The following RAB18 variants were observed in gnomAD, a reference collection of about 807,000 sequenced individuals.
RAB18 encodes ras-related protein Rab-18.
RAB18 carries 10 observed loss-of-function variants against 28.5 expected under a neutral mutation model. The ratio of observed to expected loss-of-function variants is 0.35; its 90% CI spans 0.22 to 0.60. The LOEUF (loss-of-function observed/expected upper bound fraction) is 0.60. Among genes scored for constraint, RAB18 ranks in the 20% least tolerant of loss-of-function variants. The pLI, the probability that RAB18 is intolerant of heterozygous loss-of-function variation, is 0.78. For synonymous variants in RAB18, 93 were observed against 86.9 expected, an observed-to-expected ratio of 1.07 and a Z score of -0.39; for missense variants, 188 against 244.2, an observed-to-expected ratio of 0.77 and a Z score of 1.53.
At chr10:27,509,653 A>T (rs761178176) in intron 1 of RAB18, among the ~76,000 whole-genome samples, 3 of 152,182 alleles carry the variant, frequency 2.0e-5, no homozygotes, top group Non-Finnish European at 2.9e-5. Context: ...CACGGGGAAT[A>T]TATTTCATAG....
Position 27,541,482 on chromosome 10 carries a change from T to C in RAB18, c.*3431T>C, listed in dbSNP as rs754068539. 2 of 454,012 alleles carry C rather than the reference T, an allele frequency of 4.4e-6. No individual in the cohort carries two copies. The highest frequency in any genetic ancestry group is 3.1e-5 in the South Asian group (2 of 64,476). 28.1% of individuals were successfully genotyped at this position (454,012 alleles called of 1,614,324 possible). On this transcript the variant is annotated 3_prime_UTR_variant, in exon 7 of 7. Coordinates refer to ENST00000356940, the MANE Select transcript of RAB18 (RefSeq NM_021252.5). ...ACTTGGGAATCAGTCATGTTTCTGA[T>C]TGTGGTATAAAGTTTGCTTAAGTGC...
intron 2 of RAB18, among the ~76,000 whole-genome samples, chr10:27,522,217 T>G (rs1187215540): frequency 6.6e-6 from 1 of 152,176 alleles, no homozygotes; most frequent in Non-Finnish European, 1.5e-5. Context: ...CTATCAAGTG[T>G]TTGCTTTGTA....
chr10:27,519,561 T>C (rs1834505704), intron 2 of RAB18, among the ~76,000 whole-genome samples: 1 of 152,006 alleles, frequency 6.6e-6, no homozygotes, highest in Admixed American at 6.6e-5. Context: ...AGATGAAAAA[T>C]TTAAATACAA....
chr10:27,509,044 T>C (rs1038768910), intron 1 of RAB18, among the ~76,000 whole-genome samples: 10 of 152,200 alleles, frequency 6.6e-5, no homozygotes, highest in Admixed American at 6.5e-4. Flanking sequence ...GTAAGTAAAA[T>C]AATTCTGGAA....
chr10:27,532,472 A>C (rs1329548367), intron 3 of RAB18, 35 bp from the exon 4 acceptor site: 4 of 1,468,406 alleles, frequency 2.7e-6, no homozygotes, highest in Middle Eastern at 2.1e-4. Context: ...GTCTATTTAT[A>C]CTTTGTTTAA....
intron 1 of RAB18, among the ~76,000 whole-genome samples, chr10:27,507,699 T>G (rs1837878033): frequency 6.6e-6 from 1 of 151,990 alleles, no homozygotes; most frequent in Admixed American, 6.6e-5. Context: ...AACATTTTGC[T>G]CCTTTAACTT....
chr10:27,510,217 T>TC (rs1834298478), intron 2 of RAB18: 4 of 432,020 alleles, frequency 9.3e-6, no homozygotes, highest in Middle Eastern at 4.2e-4. Context: ...GATTGTCTTT[T>TC]ATTTTGTAAT....
Position 27,505,196 on chromosome 10 carries a change from A to G in RAB18, c.68+759A>G. ...ACAGTGGAGTTGAGTATAAGGTAAGACATGGATCTAGGTGGATGTTGCTAG... is the reference window on the plus strand; with the variant it reads ...ACAGTGGAGTTGAGTATAAGGTAAGGCATGGATCTAGGTGGATGTTGCTAG... On this transcript the variant is annotated intron_variant, in intron 1 of 6. Transcript: ENST00000356940. 3.8e-6 allele frequency: 2 copies of G among 523,156 alleles called. 1 individual carries two copies. Among genetic ancestry groups the G allele is most frequent in the South Asian group, 2.8e-5 (2 of 70,612 alleles). 32.4% of individuals were successfully genotyped at this position (523,156 alleles called of 1,614,324 possible). A position where few individuals can be genotyped will look rare whatever the true frequency, so the allele number is the denominator to read the frequency against.
chr10:27,506,700 C>T (rs922743619), intron 1 of RAB18, among the ~76,000 whole-genome samples: 2 of 152,108 alleles, frequency 1.3e-5, no homozygotes, highest in Non-Finnish European at 2.9e-5. Flanking sequence ...TCAAGCCAAA[C>T]TCCTGCCTCA....
rs1834970923 is a variant in RAB18, at chr10:27,539,285, A to G, written c.*1234A>G. 1 of 295,098 alleles carries G rather than the reference A, an allele frequency of 3.4e-6. No individual in the cohort carries two copies. Among genetic ancestry groups the G allele is most frequent in the Non-Finnish European group, 6.6e-6 (1 of 152,392 alleles). The allele number at this position is 295,098 out of a possible 1,614,324, so 18.3% of individuals were successfully genotyped here. A position where few individuals can be genotyped will look rare whatever the true frequency, so the allele number is the denominator to read the frequency against. On this transcript the variant is annotated 3_prime_UTR_variant, in exon 7 of 7. Transcript: ENST00000356940. ...AGTTATTTGTCCTTTAAGGTTGGTT[A>G]CTATAATACCCCTCAGTAAGATTCC... is the stretch of plus-strand genomic sequence containing the variant.
chr10:27,532,696 CTTGTAG>C (rs1834812378), intron 4 of RAB18, 117 bp downstream of exon 4: 2 of 749,928 alleles, frequency 2.7e-6, no homozygotes, highest in African/African-American at 3.6e-5. Flanking sequence ...TTTTATGTAA[CTTGTAG>C]TTGTATTAAC....
chr10:27,505,793 C>G (rs1837814700), intron 1 of RAB18, among the ~76,000 whole-genome samples: 1 of 152,098 alleles, frequency 6.6e-6, no homozygotes, highest in East Asian at 1.9e-4. Context: ...CTTTTGACCT[C>G]GTGACCCGCC....
Position 27,538,854 on chromosome 10 carries a change from C to T in RAB18, c.*803C>T, listed in dbSNP as rs1834958473. ...GTAACTCCTCATACACTTTTAAAAC[C>T]AACATCTTTTTTCATAAATGTTGGT... On this transcript the variant is annotated 3_prime_UTR_variant, in exon 7 of 7. Coordinates refer to ENST00000356940, the MANE Select transcript of RAB18 (RefSeq NM_021252.5). 4.4e-6 allele frequency: 2 copies of T among 453,842 alleles called. No homozygotes were observed. The highest frequency in any genetic ancestry group is 8.8e-6 in the Non-Finnish European group (2 of 226,724). The allele number at this position is 453,842 out of a possible 1,614,324, so 28.1% of individuals were successfully genotyped here.
At chr10:27,520,854 T>C (rs1038049991) in intron 2 of RAB18, among the ~76,000 whole-genome samples, 1 of 139,902 alleles carries the variant, frequency 7.1e-6, no homozygotes, top group East Asian at 2.2e-4. Flanking sequence ...GAGGCAGAAG[T>C]TGCAGTGAGC....
rs546186493 is a variant in RAB18, at chr10:27,541,218, G to C, written c.*3167G>C. 4.4e-6 allele frequency: 2 copies of C among 453,844 alleles called. No individual in the cohort carries two copies. The highest frequency in any genetic ancestry group is 3.1e-5 in the South Asian group (2 of 64,456). The allele number at this position is 453,844 out of a possible 1,614,324, so 28.1% of individuals were successfully genotyped here. ...ACATTGTTCTGACTCCGACCCTGCC[G>C]TGTATACTCAACTATATAGACTTCA... On this transcript the variant is annotated 3_prime_UTR_variant, in exon 7 of 7. Transcript: ENST00000356940.
chr10:27,534,802 C>A (rs2132410183), intron 6 of RAB18, among the ~76,000 whole-genome samples: 1 of 152,298 alleles, frequency 6.6e-6, no homozygotes, highest in African/African-American at 2.4e-5. Context: ...CAGGAATCTG[C>A]AAATGAAGTT....
At chr10:27,506,177 A>G (rs1837830215) in intron 1 of RAB18, among the ~76,000 whole-genome samples, 1 of 152,144 alleles carries the variant, frequency 6.6e-6, no homozygotes, top group Non-Finnish European at 1.5e-5. Context: ...TTTGAAGTCA[A>G]GAATGGTTGG....
chr10:27,538,148 C>G lies in RAB18; in HGVS notation c.*97C>G. On this transcript the variant is annotated 3_prime_UTR_variant, in exon 7 of 7. Transcript: ENST00000356940. ...GCTATTTTAGGGACCTTGCAGTTTG[C>G]ACATAATTGTTTTATATCATAGCAG... is the stretch of plus-strand genomic sequence containing the variant. The G allele has an allele frequency of 6.8e-7, 1 of 1,481,112 alleles. No homozygotes were observed. The highest frequency in any genetic ancestry group is 9.4e-7 in the Non-Finnish European group (1 of 1,063,942). 91.7% of individuals were successfully genotyped at this position (1,481,112 alleles called of 1,614,324 possible).
At chr10:27,518,903 C>CTTTATACTATACTAT (rs1554900262) in intron 2 of RAB18, among the ~76,000 whole-genome samples, 10 of 149,352 alleles carry the variant, frequency 6.7e-5, no homozygotes, top group Non-Finnish European at 9.1e-5. Flanking sequence ...TAAAGTGTTA[C>CTTTATACTATACTAT]ATTAAGTATA....
Sources: gnomAD v4.1 joint callset for allele counts (sites outside exome capture counted in the v4.1 genomes callset) on GRCh38, gnomAD v4.1.1 for gene constraint, MANE v1.5 for transcripts, NCBI Gene and HGNC (gene_info 2026-07-23, HGNC 2026-07-21) for gene names.